TLN2: variants seen among roughly 807,000 people sequenced by gnomAD.
The protein encoded by TLN2 is talin-2.
A neutral mutation model predicts 294.7 loss-of-function variants in TLN2; 118 were observed. The observed-to-expected ratio is 0.40, with a 90% CI of 0.34 to 0.47. The LOEUF (loss-of-function observed/expected upper bound fraction) is 0.47. Among genes scored for constraint, TLN2 ranks in the 20% least tolerant of loss-of-function variants. The pLI is 0.84. For missense variants in TLN2, 3,083 were observed against 3,282.2 expected (o/e 0.94, Z 1.48); for synonymous variants, 1,431 against 1,304.5 (o/e 1.10, Z -2.09).
intron 3 of TLN2, among the ~76,000 whole-genome samples, chr15:62,646,563 GAC>G (rs1418363281): frequency 1.3e-5 from 2 of 152,176 alleles, no homozygotes; most frequent in Non-Finnish European, 2.9e-5. Context: ...TTCCCTTTGA[GAC>G]CCCAATCACG....
chr15:62,839,167 T>C (rs540344435), intron 58 of TLN2, among the ~76,000 whole-genome samples, 186 bp downstream of exon 58: 156 of 152,294 alleles, frequency 1.0e-3, no homozygotes, highest in Non-Finnish European at 2.0e-3. Context: ...CCCTGAGATG[T>C]TACCCTTGGC....
intron 54 of TLN2, chr15:62,831,525 C>G (rs2068844401): frequency 6.6e-6 from 1 of 151,908 alleles, no homozygotes. Context: ...TATTTGGGGA[C>G]TGACTACACA....
intron 1 of TLN2, among the ~76,000 whole-genome samples, chr15:62,455,571 C>T (rs56259139): frequency 0.065 from 9,827 of 152,232 alleles, 470 homozygotes; most frequent in Non-Finnish European, 0.094. Context: ...ACCTACACCT[C>T]GTTCCTACTC....
intron 1 of TLN2, among the ~76,000 whole-genome samples, chr15:62,583,500 T>C (rs1464358303): frequency 6.9e-6 from 1 of 145,530 alleles, no homozygotes; most frequent in East Asian, 2.4e-4. Flanking sequence ...GCCCTTCTTT[T>C]TTTGTTTTTT....
intron 14 of TLN2, among the ~76,000 whole-genome samples, chr15:62,695,682 T>C (rs2058277032): frequency 6.6e-6 from 1 of 152,242 alleles, no homozygotes. Context: ...AAGGTGTTTT[T>C]CCATTTGTCC....
intron 33 of TLN2, 83 bp from the exon 34 acceptor site, chr15:62,750,319 G>C (rs1379567281): frequency 9.2e-7 from 1 of 1,086,248 alleles, no homozygotes; most frequent in Non-Finnish European, 1.4e-6. Flanking sequence ...TATGGAGGGA[G>C]AGTTGATAGT....
chr15:62,644,525 CTT>C, intron 3 of TLN2: 1 of 456,100 alleles, frequency 2.2e-6, no homozygotes. Context: ...ACCTCCAAAT[CTT>C]TGTCCCCAGC....
chr15:62,748,484 A>AGTGTCT (rs765276202), intron 33 of TLN2, 40 bp downstream of exon 33: 232 of 1,474,072 alleles, frequency 1.6e-4, no homozygotes, highest in Non-Finnish European at 6.4e-5. Flanking sequence ...TGAGAGAGGG[A>AGTGTCT]GTGTCTGTGT....
intron 2 of TLN2, among the ~76,000 whole-genome samples, chr15:62,590,022 T>TTTGTTC (rs1331198974): frequency 6.6e-6 from 1 of 152,122 alleles, no homozygotes; most frequent in Admixed American, 6.5e-5. Context: ...TGTTTTTGTT[T>TTTGTTC]TTGTTTTAAT....
At chr15:62,412,485 G>A (rs1056928477) in intron 1 of TLN2, among the ~76,000 whole-genome samples, 2 of 152,156 alleles carry the variant, frequency 1.3e-5, no homozygotes, top group African/African-American at 4.8e-5. Flanking sequence ...ATGATGCCCA[G>A]GGAGACAGGA....
At chr15:62,428,661 A>C (rs1019709812) in intron 1 of TLN2, among the ~76,000 whole-genome samples, 4 of 152,178 alleles carry the variant, frequency 2.6e-5, no homozygotes, top group Non-Finnish European at 4.4e-5. Flanking sequence ...GCTTTTGAGA[A>C]GAGGAAAAGC....
chr15:62,741,748 C>CGCGCGTGTGTGTGTGTGTGTGTGTGTGT, intron 32 of TLN2, among the ~76,000 whole-genome samples: 7,497 of 130,962 alleles, frequency 0.057, 426 homozygotes, highest in Admixed American at 0.11. Flanking sequence ...AAAATTTGCG[C>CGCGCGTGTGTGTGTGTGTGTGTGTGTGT]GTGTGTGTGT....
intron 1 of TLN2, among the ~76,000 whole-genome samples, chr15:62,502,250 G>T (rs973981563): frequency 1.3e-5 from 2 of 152,210 alleles, no homozygotes; most frequent in South Asian, 4.1e-4. Flanking sequence ...CTAGGGAAAG[G>T]CACAGTAGCT....
In TLN2 at chr15:62,698,743, T is replaced by G; in HGVS notation, c.1474-11T>G. Reference sequence around the variant, plus strand: ...TGTGGGATGACAGCTTTGTTTCATTTGCCTTTGCAGACCTCAGCCCAGCAG... The same window carrying G: ...TGTGGGATGACAGCTTTGTTTCATTGGCCTTTGCAGACCTCAGCCCAGCAG... On this transcript the variant is annotated splice_polypyrimidine_tract_variant and intron_variant, in intron 15 of 58. Transcript: ENST00000636159. 6.2e-7 allele frequency: 1 copy of G among 1,606,708 alleles called. No homozygotes were observed. The highest frequency in any genetic ancestry group is 1.1e-5 in the South Asian group (1 of 91,050).
chr15:62,777,028 T>A, intron 43 of TLN2, 118 bp downstream of exon 43: 1 of 954,082 alleles, frequency 1.0e-6, no homozygotes, highest in Non-Finnish European at 1.4e-6. Context: ...TTGAAGGTTC[T>A]AGTTAATGTA....
At chr15:62,445,049 C>T (rs775045896) in intron 1 of TLN2, among the ~76,000 whole-genome samples, 7 of 152,140 alleles carry the variant, frequency 4.6e-5, no homozygotes, top group Non-Finnish European at 8.8e-5. Context: ...GTCAGCTATC[C>T]AGGTCAAGTT....
At chr15:62,497,756 C>T (rs551680699) in intron 1 of TLN2, among the ~76,000 whole-genome samples, 9 of 152,116 alleles carry the variant, frequency 5.9e-5, no homozygotes, top group Non-Finnish European at 1.0e-4. Context: ...TGAGAAGATA[C>T]ATTTATAGCT....
At position 62,664,875 on chromosome 15, in the gene TLN2, A is replaced by AAAAAAAAAAAAAAAG. The variant is rs1555462003; in HGVS notation, c.788+6980_788+6981insAAAAAAAAAAAGAAA. ...ACTGTCTCAAAAAAAAAAAAAAAAA[A>AAAAAAAAAAAAAAAG]AAAGTGGCTACCTAATAAAGAAAGG... is the stretch of plus-strand genomic sequence containing the variant. On this transcript the variant is annotated intron_variant, in intron 9 of 58. Coordinates refer to ENST00000636159, the MANE Select transcript of TLN2 (RefSeq NM_015059.3). Among the ~76,000 whole-genome samples, 114 of 146,518 alleles carry AAAAAAAAAAAAAAAG rather than the reference A, an allele frequency of 7.8e-4. 2 individuals are homozygous for AAAAAAAAAAAAAAAG. The highest frequency in any genetic ancestry group is 3.0e-3 in the African/African-American group (111 of 37,496).
chr15:62,476,331 T>C (rs2140372484), intron 1 of TLN2: 1 of 152,426 alleles, frequency 6.6e-6, no homozygotes, highest in African/African-American at 2.4e-5. Context: ...GCCAGTGCGC[T>C]GCTGCAGGGT....
Sources: allele counts gnomAD v4.1 joint callset (sites outside exome capture counted in the v4.1 genomes callset), GRCh38; gene constraint gnomAD v4.1.1; transcripts MANE v1.5; gene names NCBI Gene and HGNC (gene_info 2026-07-23, HGNC 2026-07-21).